CADPS: variants seen among roughly 807,000 people sequenced by gnomAD.
The protein encoded by CADPS is calcium dependent secretion activator, also known as calcium-dependent secretion activator 1.
CADPS carries 57 observed loss-of-function variants against 167.3 expected under a neutral mutation model. That is an observed-to-expected ratio of 0.34 (90% CI 0.28 to 0.42). CADPS has a LOEUF of 0.42. Ranked by LOEUF, CADPS falls within the 20% of genes least tolerant of loss-of-function variation. The pLI is 1.00. For missense variants in CADPS, 1,414 were observed against 1,738.1 expected (o/e 0.81, Z 3.32); for synonymous variants, 676 against 635.3 (o/e 1.06, Z -0.96).
intron 1 of CADPS, among the ~76,000 whole-genome samples, chr3:62,846,444 A>G (rs1436448388): frequency 6.6e-6 from 1 of 152,194 alleles, no homozygotes; most frequent in Non-Finnish European, 1.5e-5. Context: ...AAATGGTAAT[A>G]TTCCAATTCT....
At chr3:62,862,803 A>C (rs1577524557) in intron 1 of CADPS, among the ~76,000 whole-genome samples, 1 of 152,248 alleles carries the variant, frequency 6.6e-6, no homozygotes, top group East Asian at 1.9e-4. Flanking sequence ...TCTTACTGTA[A>C]ATTCAAGTCT....
intron 6 of CADPS, among the ~76,000 whole-genome samples, chr3:62,600,268 G>A (rs1019812015): frequency 1.3e-5 from 2 of 151,720 alleles, no homozygotes; most frequent in Admixed American, 6.6e-5. Context: ...AATCCATGAA[G>A]GCTGAGGAAT....
intron 7 of CADPS, among the ~76,000 whole-genome samples, chr3:62,592,310 T>C (rs1454588776): frequency 6.6e-6 from 1 of 152,176 alleles, no homozygotes; most frequent in African/African-American, 2.4e-5. Flanking sequence ...AGTTAAATCA[T>C]CTAAGAACTC....
rs983845750 is a variant in CADPS at position 62,420,193 on chromosome 3, T to C, written c.3778-17008A>G. Among the ~76,000 whole-genome samples the C allele has an allele frequency of 3.3e-5, 5 of 152,068 alleles. No individual in the cohort carries two copies. Among genetic ancestry groups the C allele is most frequent in the African/African-American group, 1.2e-4 (5 of 41,406 alleles). ...ATAGTGAAAGGACACAAATATACCA[T>C]CTAAAAGGTACTGTCTGGAATCCTA... On this transcript the variant is annotated intron_variant, in intron 28 of 29. Transcript: ENST00000383710. The surrounding 1 kb of genome is among the most constrained non-coding windows in gnomAD (Gnocchi z 4.1).
chr3:62,640,875 T>C (rs2067271314), intron 6 of CADPS, among the ~76,000 whole-genome samples: 1 of 152,160 alleles, frequency 6.6e-6, no homozygotes, highest in Non-Finnish European at 1.5e-5. Context: ...TATACAAAAC[T>C]ACCAATAAAT....
intron 11 of CADPS, among the ~76,000 whole-genome samples, chr3:62,546,280 GT>G (rs1215560708): frequency 6.6e-6 from 1 of 152,100 alleles, no homozygotes; most frequent in East Asian, 1.9e-4. Context: ...TGTTATGACT[GT>G]TTTTCATCTT....
In CADPS at chr3:62,556,994, A is replaced by AACAC. The variant is rs56228621; in HGVS notation, c.1753+407_1753+410dup. Among the ~76,000 whole-genome samples, 882 of 143,548 alleles carry AACAC rather than the reference A, an allele frequency of 6.1e-3. 5 individuals carry two copies. Among genetic ancestry groups the AACAC allele is most frequent in the South Asian group, 0.012 (51 of 4,408 alleles). 94.2% of individuals were successfully genotyped at this position (143,548 alleles called of 152,430 possible). On this transcript the variant is annotated intron_variant, in intron 10 of 29. Transcript: ENST00000383710. ...AGCCCACACATCACTGGTGAAAAAC[A>AACAC]ACACACACACACACACACACACACA...
chr3:62,454,861 C>T (rs535424564), intron 26 of CADPS, among the ~76,000 whole-genome samples: 18 of 152,098 alleles, frequency 1.2e-4, no homozygotes, highest in Admixed American at 2.6e-4. Flanking sequence ...AAACTATTAT[C>T]ATAGTAATGA....
chr3:62,432,826 T>A (rs1160448795), intron 28 of CADPS, among the ~76,000 whole-genome samples: 1 of 152,188 alleles, frequency 6.6e-6, no homozygotes, highest in Admixed American at 6.5e-5. Flanking sequence ...GCAGGGCCCA[T>A]GATCACTGCA....
intron 25 of CADPS, among the ~76,000 whole-genome samples, chr3:62,466,093 T>C (rs56162759): frequency 0.044 from 6,738 of 152,268 alleles, 192 homozygotes; most frequent in African/African-American, 0.078. Context: ...ATTTCTCATA[T>C]AACCTAGCGC....
chr3:62,461,071 G>A (rs2059282015), intron 26 of CADPS, among the ~76,000 whole-genome samples: 1 of 152,130 alleles, frequency 6.6e-6, no homozygotes, highest in South Asian at 2.1e-4. Flanking sequence ...GGGGCCCCAG[G>A]GTTTAGTGAA....
chr3:62,464,274 A>T (rs1376193211), intron 26 of CADPS, among the ~76,000 whole-genome samples: 2 of 152,142 alleles, frequency 1.3e-5, no homozygotes, highest in African/African-American at 4.8e-5. Flanking sequence ...TTGAGCCTGG[A>T]TCTGTTGGAT....
chr3:62,580,301 C>T (rs1028304356), intron 8 of CADPS, among the ~76,000 whole-genome samples: 1 of 152,068 alleles, frequency 6.6e-6, no homozygotes, highest in African/African-American at 2.4e-5. Flanking sequence ...ATGGATGAAA[C>T]TGGAAATCAT....
In CADPS at chr3:62,663,059, A is replaced by G. The variant is rs565310479; in HGVS notation, c.889-665T>C. On this transcript the variant is annotated intron_variant, in intron 3 of 29. Transcript: ENST00000383710. ...TCTGTTTTCAGTTTTTTCTATCTAAAGAAAAAGGGGTCAGTTATGTAGTCT... is the reference window on the plus strand; with the variant it reads ...TCTGTTTTCAGTTTTTTCTATCTAAGGAAAAAGGGGTCAGTTATGTAGTCT... 4.6e-5 allele frequency among the ~76,000 whole-genome samples: 7 copies of G among 152,348 alleles called. No individual in the cohort carries two copies. In the South Asian group the frequency reaches 1.4e-3, roughly 32 times the overall value.
intron 1 of CADPS, among the ~76,000 whole-genome samples, chr3:62,803,783 G>GATACGAGAGGATAATTT (rs1261656529): frequency 6.6e-6 from 1 of 151,996 alleles, no homozygotes; most frequent in Non-Finnish European, 1.5e-5. Flanking sequence ...GTTTTCCCAG[G>GATACGAGAGGATAATTT]ATACGAGAGG....
At chr3:62,823,046 G>A (rs2073307677) in intron 1 of CADPS, among the ~76,000 whole-genome samples, 2 of 152,104 alleles carry the variant, frequency 1.3e-5, no homozygotes, top group African/African-American at 4.8e-5. Flanking sequence ...GCCACCACAT[G>A]AGAAATGACC....
intron 26 of CADPS, among the ~76,000 whole-genome samples, chr3:62,462,314 C>T (rs545848750): frequency 2.0e-5 from 3 of 152,356 alleles, no homozygotes; most frequent in South Asian, 2.1e-4. Context: ...CGGGCTGGCA[C>T]GAAGAAGCCA....
At chr3:62,476,959 A>G (rs1263185249) in intron 23 of CADPS, among the ~76,000 whole-genome samples, 1 of 152,160 alleles carries the variant, frequency 6.6e-6, no homozygotes, top group African/African-American at 2.4e-5. Context: ...TTTGAGAAGT[A>G]GGCCTGCCTT....
At position 62,653,018 on chromosome 3, in the gene CADPS, G is replaced by T. The variant is rs531337762; in HGVS notation, c.970-1938C>A. Among the ~76,000 whole-genome samples the T allele has an allele frequency of 1.3e-4, 20 of 152,208 alleles. No homozygotes were observed. The East Asian group carries it at 3.9e-3, about 29-fold the overall frequency. Reference sequence around the variant, plus strand: ...CTACATGAAGGCTGTCATAAGTCTTGTTCCCCTCTCTCCCTATCTCCCTGC... The same window carrying T: ...CTACATGAAGGCTGTCATAAGTCTTTTTCCCCTCTCTCCCTATCTCCCTGC... On this transcript the variant is annotated intron_variant, in intron 4 of 29. Transcript: ENST00000383710.
Sources: gnomAD v4.1 joint callset for allele counts (sites outside exome capture counted in the v4.1 genomes callset) on GRCh38, gnomAD v4.1.1 for gene constraint, Gnocchi (gnomAD v3.1) non-coding constraint, MANE v1.5 for transcripts, NCBI Gene and HGNC (gene_info 2026-07-23, HGNC 2026-07-21) for gene names.